Variants in LAS1L observed in about 807,000 individuals in gnomAD.
The protein encoded by LAS1L is LAS1 like ribosome biogenesis factor.
In LAS1L, 5 loss-of-function variants were observed where a neutral mutation model predicts 57.3. That is an observed-to-expected ratio of 0.09 (90% confidence interval 0.05 to 0.18). The LOEUF is 0.18. Among genes scored for constraint, LAS1L ranks in the 10% least tolerant of loss-of-function variants. LAS1L has a pLI of 1.00. For missense variants in LAS1L, 360 were observed against 568.3 expected, an observed-to-expected ratio of 0.63 and a Z score of 3.73; for synonymous variants, 245 against 231.7, an observed-to-expected ratio of 1.06 and a Z score of -0.52.
rs1367442721 is a variant in LAS1L, at chrX:65,529,630, G to A, written c.763C>T (p.His255Tyr). 1.7e-6 allele frequency: 2 copies of A among 1,209,655 alleles called. No individual in the cohort carries two copies. Among genetic ancestry groups the A allele is most frequent in the Non-Finnish European group, 1.1e-6 (1 of 895,205 alleles). Residue 255 changes from histidine to tyrosine, a missense_variant, in exon 5 of 14, where the codon CAT becomes TAT. His to Tyr is a moderately conservative substitution (Grantham distance 83). Transcript: ENST00000374811. ...DSKGSEEVDS[H>Y]CKKALSHKEL... ...TTATGACTCAGGGCCTTTTTGCAATGAGAATCCACCTCTTCGCTGCCTTTG... is the reference window on the plus strand; with the variant it reads ...TTATGACTCAGGGCCTTTTTGCAATAAGAATCCACCTCTTCGCTGCCTTTG...
intron 2 of LAS1L, 143 bp from the exon 3 acceptor site, chrX:65,532,773 G>A (rs2069564365): frequency 4.2e-6 from 2 of 477,751 alleles, no homozygotes; most frequent in Admixed American, 6.1e-5. Context: ...AGCCAGAGCA[G>A]GGACAGTTCC....
chrX:65,532,466 T>G, intron 3 of LAS1L, 95 bp downstream of exon 3: 129 of 629,739 alleles, frequency 2.0e-4, no homozygotes, highest in Non-Finnish European at 3.2e-4. Context: ...AGTGATGGGA[T>G]GAGCTAGTCT....
At chrX:65,522,279 G>T (rs1018681077) in intron 11 of LAS1L, 8 of 110,292 alleles carry the variant, frequency 7.3e-5, no homozygotes, top group Admixed American at 6.8e-4. Context: ...CCATGTGCTC[G>T]AGGAAGCTAG....
chrX:65,533,505 G>A lies in LAS1L; in HGVS notation c.362+105C>T, dbSNP rs1002315537. ...CTGATCCACAGTGAGGTACACGCAG[G>A]GTTTTGCTTCAGGTAACACCTGAAG... On this transcript the variant is annotated intron_variant, in intron 2 of 13. Coordinates refer to ENST00000374811, the MANE Select transcript of LAS1L (RefSeq NM_031206.7). 14 of 730,877 alleles carry A rather than the reference G, an allele frequency of 1.9e-5. No homozygotes were observed. The African/African-American group carries it at 2.6e-4, about 13-fold the overall frequency. The allele number at this position is 730,877 out of a possible 1,213,427, so 60.2% of individuals were successfully genotyped here.
At chrX:65,525,104 C>T in intron 7 of LAS1L, 54 bp from the exon 8 acceptor site, 1 of 992,246 alleles carries the variant, frequency 1.0e-6, no homozygotes, top group African/African-American at 1.9e-5. Flanking sequence ...AGACCCTCTC[C>T]TACTCCTCCA....
Position 65,533,750 on chromosome X carries a change from T to C in LAS1L, c.237-15A>G, listed in dbSNP as rs1314568392. 2.5e-6 allele frequency: 3 copies of C among 1,209,357 alleles called. No homozygotes were observed. The highest frequency in any genetic ancestry group is 3.5e-5 in the South Asian group (2 of 56,723). On this transcript the variant is annotated splice_polypyrimidine_tract_variant and intron_variant, in intron 1 of 13. Coordinates refer to ENST00000374811, the MANE Select transcript of LAS1L (RefSeq NM_031206.7). The stretch of plus-strand genomic sequence containing the variant: ...CGTTGCCTGACCTAAAGGGTCACAG[T>C]CCAGCACCATCATAAAGAGCCCTTA...
chrX:65,528,497 G>T (rs1246198054), intron 6 of LAS1L, 128 bp from the exon 7 acceptor site: 7 of 437,871 alleles, frequency 1.6e-5, no homozygotes, highest in Non-Finnish European at 2.8e-5. Context: ...CATGCAGGGG[G>T]GGGCCCACAA....
At chrX:65,528,225 G>T in intron 7 of LAS1L, 35 bp downstream of exon 7, 1 of 912,501 alleles carries the variant, frequency 1.1e-6, no homozygotes, top group African/African-American at 1.9e-5. Context: ...CTCTATCCTA[G>T]AGAATACGCA....
chrX:65,524,452 G>A, intron 9 of LAS1L, 112 bp downstream of exon 9: 4 of 496,702 alleles, frequency 8.1e-6, no homozygotes, highest in Non-Finnish European at 1.5e-5. Context: ...GAGGAGAGCA[G>A]AACAGTGGGG....
intron 5 of LAS1L, 93 bp downstream of exon 5, chrX:65,529,501 G>T: frequency 1.0e-6 from 1 of 973,752 alleles, no homozygotes; most frequent in Non-Finnish European, 1.4e-6. Context: ...CACAGCCCCA[G>T]AGGAAATGCT....
intron 9 of LAS1L, 68 bp from the exon 10 acceptor site, chrX:65,524,330 G>A (rs1302812283): frequency 2.3e-6 from 2 of 880,637 alleles, no homozygotes; most frequent in Non-Finnish European, 3.3e-6. Context: ...ACGAAAGAGA[G>A]AGCAAGAGAC....
At chrX:65,513,722 T>C (rs2068526627) in intron 13 of LAS1L, among the ~76,000 whole-genome samples, 1 of 112,218 alleles carries the variant, frequency 8.9e-6, no homozygotes, top group Non-Finnish European at 1.9e-5. Context: ...CTACAGTGGG[T>C]GTGGGAGCTG....
chrX:65,529,555 T>G (rs373716165), intron 5 of LAS1L, 39 bp downstream of exon 5: 44 of 1,175,566 alleles, frequency 3.7e-5, no homozygotes, highest in Non-Finnish European at 5.1e-5. Context: ...CTGAGCCTTC[T>G]GGGCTCATGG....
intron 8 of LAS1L, 21 bp from the exon 9 acceptor site, chrX:65,524,635 A>G (rs2069031280): frequency 1.9e-6 from 1 of 524,086 alleles, no homozygotes; most frequent in South Asian, 2.5e-5. Context: ...AGGATGTTGG[A>G]CTAGATGACC....
intron 13 of LAS1L, 145 bp downstream of exon 13, chrX:65,514,678 C>G (rs2068566720): frequency 5.6e-6 from 3 of 536,652 alleles, no homozygotes; most frequent in Non-Finnish European, 8.6e-6. Context: ...TGGCAAGGGC[C>G]CAGCCAGGGA....
chrX:65,534,785 T>G lies in LAS1L; in HGVS notation c.-70A>C, dbSNP rs1002797662. 11 of 879,010 alleles carry G rather than the reference T, an allele frequency of 1.3e-5. No homozygotes were observed. The African/African-American group carries it at 2.0e-4, about 16-fold the overall frequency. The allele number at this position is 879,010 out of a possible 1,213,427, so 72.4% of individuals were successfully genotyped here. ...CTTCAGCTCAGCGTGCTACCCTCAC[T>G]CCGAACCGCCACCGCACCAGCAGCC... On this transcript the variant is annotated 5_prime_UTR_variant, in exon 1 of 14. Transcript: ENST00000374811.
intron 11 of LAS1L, chrX:65,521,118 A>G (rs2068831850): frequency 1.3e-6 from 1 of 752,183 alleles, no homozygotes; most frequent in South Asian, 6.8e-5. Flanking sequence ...GACTTTGTCT[A>G]CAAAGCCACT....
rs937916751 is a variant in LAS1L at position 65,513,072 on chromosome X, T to A, written c.2079-171A>T. ...ACTTCGTGTGGGCCCCAGGGTTGAC[T>A]TGGCCCTCTCCTCAGTTGAGGAAGG... On this transcript the variant is annotated intron_variant, in intron 13 of 13. Coordinates refer to ENST00000374811, the MANE Select transcript of LAS1L (RefSeq NM_031206.7). Among the ~76,000 whole-genome samples the A allele has an allele frequency of 4.8e-4, 54 of 112,217 alleles. 1 individual carries two copies. The highest frequency in any genetic ancestry group is 1.6e-3 in the African/African-American group (48 of 30,907).
chrX:65,516,653 A>C, intron 12 of LAS1L, among the ~76,000 whole-genome samples: 1 of 106,882 alleles, frequency 9.4e-6, no homozygotes, highest in Non-Finnish European at 1.9e-5. Context: ...ACACACACAC[A>C]CACACACACA....
Sources: allele counts gnomAD v4.1 joint callset (sites outside exome capture counted in the v4.1 genomes callset), GRCh38; gene constraint gnomAD v4.1.1; transcripts MANE v1.5; gene names NCBI Gene and HGNC (gene_info 2026-07-23, HGNC 2026-07-21).